Variants in PTPRD observed in about 807,000 individuals in gnomAD.
PTPRD encodes receptor-type tyrosine-protein phosphatase delta.
A neutral mutation model predicts 214.5 loss-of-function variants in PTPRD; 34 were observed. The observed-to-expected ratio is 0.16, with a 90% CI of 0.12 to 0.21. The LOEUF (loss-of-function observed/expected upper bound fraction) is 0.21, where lower values mean the gene tolerates loss of function less well. Among genes scored for constraint, PTPRD ranks in the 10% least tolerant of loss-of-function variants. PTPRD has a pLI of 1.00. For synonymous variants in PTPRD, 1,128 were observed against 845.7 expected (o/e 1.33, Z -5.79); for missense variants, 2,545 against 2,398.7 (o/e 1.06, Z -1.27).
At chr9:9,181,178 C>A (rs1027088356) in intron 10 of PTPRD, among the ~76,000 whole-genome samples, 3 of 151,820 alleles carry the variant, frequency 2.0e-5, no homozygotes, top group Non-Finnish European at 2.9e-5. Flanking sequence ...TTCTGCTTGG[C>A]ACATACTAAG....
intron 10 of PTPRD, among the ~76,000 whole-genome samples, chr9:9,034,693 G>C (rs776871015): frequency 6.6e-6 from 1 of 152,090 alleles, no homozygotes; most frequent in Non-Finnish European, 1.5e-5. Flanking sequence ...TCACATCACA[G>C]CTCCCCATTT....
chr9:9,008,176 G>GA (rs1567557632), intron 11 of PTPRD, among the ~76,000 whole-genome samples: 2 of 146,444 alleles, frequency 1.4e-5, no homozygotes, highest in African/African-American at 5.0e-5. Context: ...ATGAGAGTCT[G>GA]TTAGGTAACA....
At chr9:9,434,986 A>C (rs1476154872) in intron 8 of PTPRD, among the ~76,000 whole-genome samples, 1 of 151,600 alleles carries the variant, frequency 6.6e-6, no homozygotes, top group East Asian at 1.9e-4. Flanking sequence ...TTTGTCATTG[A>C]ATGAATAAAA....
intron 7 of PTPRD, among the ~76,000 whole-genome samples, chr9:9,672,333 A>C (rs1411348655): frequency 3.9e-5 from 6 of 152,184 alleles, no homozygotes; most frequent in Non-Finnish European, 2.9e-5. Context: ...TAAATTACCT[A>C]TATAGCAGAA....
At chr9:9,424,038 C>T (rs553554314) in intron 8 of PTPRD, among the ~76,000 whole-genome samples, 8 of 152,280 alleles carry the variant, frequency 5.3e-5, no homozygotes, top group African/African-American at 1.7e-4. Flanking sequence ...AGGAATTTTC[C>T]TTAGCCAAAG....
rs542826731 is a variant in PTPRD, at chr9:9,118,514, T to C, written c.-143+64790A>G. ...TAGGAAGGTCTGTTTTTATTCTTTA[T>C]GTCAAGAATCTAAATAGCTATTCTA... is the stretch of plus-strand genomic sequence containing the variant. On this transcript the variant is annotated intron_variant, in intron 10 of 45. Transcript: ENST00000381196. Among the ~76,000 whole-genome samples the C allele has an allele frequency of 3.3e-5, 5 of 152,318 alleles. No homozygotes were observed. In the East Asian group the frequency reaches 9.6e-4, roughly 29 times the overall value.
intron 2 of PTPRD, among the ~76,000 whole-genome samples, chr9:10,467,196 G>A (rs541242133): frequency 6.6e-6 from 1 of 152,084 alleles, no homozygotes. Flanking sequence ...CTACTTATGG[G>A]GGCAGATAAA....
chr9:9,766,065 A>C (rs2098704709), intron 6 of PTPRD, among the ~76,000 whole-genome samples: 1 of 152,188 alleles, frequency 6.6e-6, no homozygotes, highest in Admixed American at 6.5e-5. Context: ...TTATTTTGTC[A>C]GTTGTCATCC....
intron 10 of PTPRD, among the ~76,000 whole-genome samples, chr9:9,166,061 A>G (rs1183971928): frequency 6.6e-6 from 1 of 151,922 alleles, no homozygotes; most frequent in Non-Finnish European, 1.5e-5. Flanking sequence ...ACCTGTGGTG[A>G]CTTTAACTCA....
At chr9:9,092,967 C>A (rs1225992141) in intron 10 of PTPRD, among the ~76,000 whole-genome samples, 1 of 151,836 alleles carries the variant, frequency 6.6e-6, no homozygotes, top group East Asian at 1.9e-4. Context: ...ATGGACATAG[C>A]TAGGTTCAAA....
chr9:9,440,813 G>A (rs2144351393), intron 8 of PTPRD, among the ~76,000 whole-genome samples: 1 of 152,318 alleles, frequency 6.6e-6, no homozygotes, highest in South Asian at 2.1e-4. Context: ...GGCATGGCAA[G>A]ACCAAGGTAT....
intron 12 of PTPRD, among the ~76,000 whole-genome samples, chr9:8,690,014 A>C (rs1164601048): frequency 1.3e-5 from 2 of 151,826 alleles, no homozygotes; most frequent in Non-Finnish European, 2.9e-5. Flanking sequence ...ATGCTGAGGC[A>C]GGAGAATTGC....
chr9:9,881,487 C>T (rs560478766), intron 5 of PTPRD, among the ~76,000 whole-genome samples: 18 of 152,162 alleles, frequency 1.2e-4, no homozygotes, highest in South Asian at 2.1e-4. Flanking sequence ...TCTCCTCCAC[C>T]GCATCTTCAT....
chr9:10,148,458 A>G (rs1291100033), intron 3 of PTPRD, among the ~76,000 whole-genome samples: 1 of 152,172 alleles, frequency 6.6e-6, no homozygotes, highest in East Asian at 1.9e-4. Flanking sequence ...CATCTCTTCA[A>G]TATGATTAGG....
intron 7 of PTPRD, among the ~76,000 whole-genome samples, chr9:9,579,304 C>A (rs1257277281): frequency 6.6e-6 from 1 of 152,080 alleles, no homozygotes; most frequent in African/African-American, 2.4e-5. Flanking sequence ...CATTTAATCT[C>A]CATAGCAATC....
intron 5 of PTPRD, among the ~76,000 whole-genome samples, chr9:9,923,098 A>G (rs1355006405): frequency 7.3e-6 from 1 of 136,822 alleles, no homozygotes; most frequent in African/African-American, 3.5e-5. Flanking sequence ...TGACTAAGGA[A>G]AAAAAAAGGA....
rs552297491 is a variant in PTPRD at position 8,811,565 on chromosome 9, C to A, written c.-103-77619G>T. ...TGAGGTCACTAAGGAACAGAACAAT[C>A]ATTCTTAATTCCTGCTCTAAAGAGC... On this transcript the variant is annotated intron_variant, in intron 11 of 45. Coordinates refer to ENST00000381196, the MANE Select transcript of PTPRD (RefSeq NM_002839.4). Among the ~76,000 whole-genome samples, 3 of 152,276 alleles carry A rather than the reference C, an allele frequency of 2.0e-5. No homozygotes were observed. In the South Asian group the frequency reaches 6.2e-4, roughly 32 times the overall value.
intron 2 of PTPRD, among the ~76,000 whole-genome samples, chr9:10,503,848 G>A (rs1026779743): frequency 2.6e-5 from 4 of 151,824 alleles, no homozygotes; most frequent in Admixed American, 6.6e-5. Context: ...TGGGCGCGGG[G>A]GCTCACACCT....
At chr9:10,610,687 C>G (rs2080757360) in intron 2 of PTPRD, among the ~76,000 whole-genome samples, 1 of 152,060 alleles carries the variant, frequency 6.6e-6, no homozygotes, top group African/African-American at 2.4e-5. Flanking sequence ...TAAGAAAACT[C>G]ATTTGGATAA....
Sources: allele counts gnomAD v4.1 joint callset (sites outside exome capture counted in the v4.1 genomes callset), GRCh38; gene constraint gnomAD v4.1.1; transcripts MANE v1.5; gene names NCBI Gene and HGNC (gene_info 2026-07-23, HGNC 2026-07-21).